RBMS3: variants seen among roughly 807,000 people sequenced by gnomAD.
RBMS3 encodes RNA-binding motif, single-stranded-interacting protein 3.
In RBMS3, 27 loss-of-function variants were observed where a neutral mutation model predicts 66.8. That is an observed-to-expected ratio of 0.40 (90% CI 0.30 to 0.56). The LOEUF (loss-of-function observed/expected upper bound fraction) is 0.56, where lower values mean the gene tolerates loss of function less well. RBMS3 is among the 20% of genes least tolerant of loss of function. The probability of loss-of-function intolerance (pLI) is 0.40; values close to 1 mark genes in which losing one functional copy is unlikely to be tolerated. For missense variants in RBMS3, 513 were observed against 549.5 expected, an observed-to-expected ratio of 0.93 and a Z score of 0.66; for synonymous variants, 188 against 183.0, an observed-to-expected ratio of 1.03 and a Z score of -0.22.
chr3:29,850,365 C>T (rs535627526), intron 6 of RBMS3, among the ~76,000 whole-genome samples: 2 of 152,160 alleles, frequency 1.3e-5, no homozygotes, highest in Non-Finnish European at 2.9e-5. Context: ...ATTGAGGTTA[C>T]ATAACCTTCA....
At chr3:29,295,480 G>A (rs2033197187) in intron 1 of RBMS3, among the ~76,000 whole-genome samples, 1 of 150,822 alleles carries the variant, frequency 6.6e-6, no homozygotes, top group African/African-American at 2.4e-5. Context: ...GCGGGAAAAT[G>A]TTAATAATCT....
intron 10 of RBMS3, among the ~76,000 whole-genome samples, chr3:29,924,170 G>A (rs987464617): frequency 6.6e-6 from 1 of 152,130 alleles, no homozygotes; most frequent in Non-Finnish European, 1.5e-5. Context: ...CTCTGGTAAG[G>A]AAATGGTTGC....
chr3:29,997,121 C>A (rs1218779420), intron 14 of RBMS3, among the ~76,000 whole-genome samples: 104 of 151,692 alleles, frequency 6.9e-4, no homozygotes, highest in African/African-American at 2.5e-3. Flanking sequence ...AAACTACCAT[C>A]AGAGAATACT....
At chr3:29,664,068 G>A (rs1419538645) in intron 4 of RBMS3, among the ~76,000 whole-genome samples, 3 of 152,054 alleles carry the variant, frequency 2.0e-5, no homozygotes, top group African/African-American at 7.2e-5. Context: ...AAATTATCTG[G>A]TAATCACTTC....
chr3:29,705,772 A>G (rs1403965329), intron 4 of RBMS3, among the ~76,000 whole-genome samples: 2 of 152,218 alleles, frequency 1.3e-5, no homozygotes, highest in Non-Finnish European at 2.9e-5. Context: ...GATAACATAT[A>G]TGATATACAA....
intron 1 of RBMS3, among the ~76,000 whole-genome samples, chr3:29,292,775 A>T (rs567825153): frequency 5.1e-4 from 77 of 151,990 alleles, no homozygotes; most frequent in African/African-American, 1.8e-3. Context: ...ACTAAAGAGA[A>T]AGATTAAGGG....
At chr3:29,594,014 G>C (rs1576319944) in intron 4 of RBMS3, among the ~76,000 whole-genome samples, 1 of 152,118 alleles carries the variant, frequency 6.6e-6, no homozygotes, top group Non-Finnish European at 1.5e-5. Context: ...TTCTAATCAC[G>C]TGACATTTGA....
At chr3:29,907,355 T>G (rs1265175578) in intron 10 of RBMS3, among the ~76,000 whole-genome samples, 1 of 152,172 alleles carries the variant, frequency 6.6e-6, no homozygotes, top group Non-Finnish European at 1.5e-5. Context: ...ATTTCATAAT[T>G]CATTTTCTGG....
intron 12 of RBMS3, among the ~76,000 whole-genome samples, chr3:29,970,863 C>G (rs1697184046): frequency 6.6e-6 from 1 of 152,178 alleles, no homozygotes; most frequent in Non-Finnish European, 1.5e-5. Context: ...GTTCCAATAA[C>G]TTCAACTTGA....
chr3:29,958,559 T>G (rs368206471), intron 12 of RBMS3, among the ~76,000 whole-genome samples: 13 of 151,348 alleles, frequency 8.6e-5, no homozygotes, highest in African/African-American at 2.9e-4. Flanking sequence ...AATCTGAGAG[T>G]TTTTTTTTAA....
intron 8 of RBMS3, among the ~76,000 whole-genome samples, chr3:29,893,081 T>C (rs2060042825): frequency 1.3e-5 from 2 of 151,332 alleles, no homozygotes; most frequent in Admixed American, 1.3e-4. Flanking sequence ...ATCTGGTGTA[T>C]GTTTGGACTT....
intron 6 of RBMS3, among the ~76,000 whole-genome samples, chr3:29,817,192 C>CTTTTTTCTTT (rs2057934482): frequency 7.9e-6 from 1 of 127,226 alleles, no homozygotes. Context: ...ATTTTCTTTT[C>CTTTTTTCTTT]TTTTTTTTTT....
intron 1 of RBMS3, among the ~76,000 whole-genome samples, chr3:29,292,495 A>G (rs1278351719): frequency 6.6e-6 from 1 of 151,880 alleles, no homozygotes; most frequent in African/African-American, 2.4e-5. Context: ...TTGACAGTAT[A>G]TTACGCAAGT....
intron 2 of RBMS3, among the ~76,000 whole-genome samples, chr3:29,457,211 A>G (rs1023435258): frequency 1.8e-4 from 27 of 152,162 alleles, no homozygotes; most frequent in Non-Finnish European, 1.5e-4. Context: ...TAACATGTCT[A>G]TCTTCTAGAT....
intron 2 of RBMS3, among the ~76,000 whole-genome samples, chr3:29,475,706 A>G (rs1375265831): frequency 6.6e-6 from 1 of 152,156 alleles, no homozygotes; most frequent in Non-Finnish European, 1.5e-5. Context: ...CTCCTAAAGG[A>G]TTATGGGATG....
At chr3:29,485,084 T>C (rs1362278758) in intron 2 of RBMS3, among the ~76,000 whole-genome samples, 1 of 152,178 alleles carries the variant, frequency 6.6e-6, no homozygotes, top group Non-Finnish European at 1.5e-5. Flanking sequence ...CCATAATAAC[T>C]CTATTTTCTC....
At chr3:29,339,754 C>G (rs932565900) in intron 1 of RBMS3, among the ~76,000 whole-genome samples, 2 of 152,018 alleles carry the variant, frequency 1.3e-5, no homozygotes, top group Admixed American at 6.6e-5. Flanking sequence ...TTATGTTACC[C>G]TTTAATAGAG....
intron 4 of RBMS3, among the ~76,000 whole-genome samples, chr3:29,640,909 A>G (rs77077089): frequency 0.014 from 2,165 of 152,080 alleles, 36 homozygotes; most frequent in African/African-American, 0.041. Context: ...ATCTTTAAAA[A>G]TGGGGATAAT....
At chr3:29,613,556 T>G (rs560583494) in intron 4 of RBMS3, among the ~76,000 whole-genome samples, 42 of 152,224 alleles carry the variant, frequency 2.8e-4, no homozygotes, top group African/African-American at 9.9e-4. Context: ...TCATACTTTA[T>G]GATAAAATAG....
Sources: gnomAD v4.1 joint callset for allele counts (sites outside exome capture counted in the v4.1 genomes callset) on GRCh38, gnomAD v4.1.1 for gene constraint, MANE v1.5 for transcripts, NCBI Gene and HGNC (gene_info 2026-07-23, HGNC 2026-07-21) for gene names.